The following KIAA0232 variants were observed in gnomAD, a reference collection of about 807,000 sequenced individuals.
KIAA0232 encodes uncharacterized protein KIAA0232.
Under a neutral mutation model 122.0 loss-of-function variants are expected in KIAA0232, and 27 were observed. The ratio of observed to expected loss-of-function variants is 0.22; its 90% CI spans 0.16 to 0.31. The LOEUF is 0.31. Ranked by LOEUF, KIAA0232 falls within the 10% of genes least tolerant of loss-of-function variation. KIAA0232 has a pLI of 1.00. For missense variants in KIAA0232, 1,551 were observed against 1,634.2 expected, an observed-to-expected ratio of 0.95 and a Z score of 0.88; for synonymous variants, 613 against 587.6, an observed-to-expected ratio of 1.04 and a Z score of -0.63.
chr4:6,824,801 T>C, intron 3 of KIAA0232, 117 bp downstream of exon 3: 1 of 846,484 alleles, frequency 1.2e-6, no homozygotes, highest in South Asian at 1.6e-5. Context: ...GTGCAAACAT[T>C]TAACCTGTCA....
chr4:6,848,094 T>C (rs1720066105), intron 4 of KIAA0232, among the ~76,000 whole-genome samples: 1 of 152,126 alleles, frequency 6.6e-6, no homozygotes, highest in Non-Finnish European at 1.5e-5. Flanking sequence ...AGCTGACCAG[T>C]CCTATTGTTA....
At chr4:6,868,971 A>G (rs1721324607) in intron 7 of KIAA0232, among the ~76,000 whole-genome samples, 1 of 152,186 alleles carries the variant, frequency 6.6e-6, no homozygotes, top group Non-Finnish European at 1.5e-5. Context: ...TGAGATAGTC[A>G]GAGACTGTTG....
chr4:6,875,206 G>C (rs980277982), intron 8 of KIAA0232, among the ~76,000 whole-genome samples: 1 of 152,214 alleles, frequency 6.6e-6, no homozygotes, highest in African/African-American at 2.4e-5. Context: ...GATAAGCAGC[G>C]GTCATGGGTG....
Position 6,880,907 on chromosome 4 carries a change from G to C in KIAA0232, c.4129G>C (p.Gly1377Arg). 2 of 1,606,174 alleles carry C rather than the reference G, an allele frequency of 1.2e-6. No individual in the cohort carries two copies. The highest frequency in any genetic ancestry group is 1.7e-6 in the Non-Finnish European group (2 of 1,175,880). The change falls in exon 10 of 10, where the codon GGC becomes CGC. Residue 1377 changes from glycine (G) to arginine (R), a missense_variant. Physicochemically the swap from Gly to Arg is moderately radical, Grantham distance 125. Transcript: ENST00000307659. The stretch of plus-strand genomic sequence containing the variant: ...CACCTCGGAAGAGACAGGCTCAGAA[G>C]GCGGAGGCGAGTGGGTGGGCCCTAG... ...SSTSEETGSE[G>R]GGEWVGPSEE...
At chr4:6,880,716 T>C (rs887164316) in intron 9 of KIAA0232, 71 bp from the exon 10 acceptor site, 3 of 1,011,732 alleles carry the variant, frequency 3.0e-6, no homozygotes, top group Non-Finnish European at 4.2e-6. Flanking sequence ...TCTTTGTATA[T>C]AGATAGAGTA....
chr4:6,813,488 G>A (rs1005414772), intron 2 of KIAA0232, among the ~76,000 whole-genome samples: 11 of 151,612 alleles, frequency 7.3e-5, no homozygotes, highest in South Asian at 2.1e-4. Flanking sequence ...TCAGCCTCCC[G>A]AGTAGCTGGG....
chr4:6,819,604 A>C (rs1718324968), intron 2 of KIAA0232, among the ~76,000 whole-genome samples: 1 of 152,198 alleles, frequency 6.6e-6, no homozygotes, highest in Admixed American at 6.5e-5. Flanking sequence ...TAAAAAACAG[A>C]TGCTAATGAG....
intron 1 of KIAA0232, among the ~76,000 whole-genome samples, chr4:6,789,997 C>G (rs1193460489): frequency 1.3e-5 from 2 of 151,980 alleles, no homozygotes; most frequent in Non-Finnish European, 1.5e-5. Flanking sequence ...CCACTGGACT[C>G]CAGCCTGGGT....
intron 2 of KIAA0232, among the ~76,000 whole-genome samples, chr4:6,815,631 A>G (rs894848837): frequency 2.6e-5 from 4 of 152,228 alleles, no homozygotes; most frequent in Non-Finnish European, 5.9e-5. Flanking sequence ...ACTGAAAAGT[A>G]CTGCATAGAT....
At chr4:6,870,653 AT>A (rs1183904876) in intron 7 of KIAA0232, among the ~76,000 whole-genome samples, 1 of 152,142 alleles carries the variant, frequency 6.6e-6, no homozygotes, top group Non-Finnish European at 1.5e-5. Flanking sequence ...AAATACAAAA[AT>A]TAGCCGGGGT....
At chr4:6,814,615 A>G (rs751201151) in intron 2 of KIAA0232, among the ~76,000 whole-genome samples, 2 of 152,110 alleles carry the variant, frequency 1.3e-5, no homozygotes, top group Non-Finnish European at 2.9e-5. Flanking sequence ...CATGCAACAG[A>G]CTTGTGAGAG....
chr4:6,794,877 A>T (rs1462326435), intron 1 of KIAA0232, among the ~76,000 whole-genome samples: 2 of 152,168 alleles, frequency 1.3e-5, no homozygotes, highest in Admixed American at 6.5e-5. Flanking sequence ...TAGACATGTT[A>T]TAAGTTTGAG....
intron 1 of KIAA0232, among the ~76,000 whole-genome samples, chr4:6,803,011 CAAAAA>C (rs746215162): frequency 8.9e-4 from 43 of 48,486 alleles, no homozygotes; most frequent in African/African-American, 3.2e-3. Flanking sequence ...CTGTCTTGAC[CAAAAA>C]AAAAAAAAAA....
intron 2 of KIAA0232, among the ~76,000 whole-genome samples, chr4:6,808,459 AC>A (rs1278222495): frequency 6.9e-6 from 1 of 145,044 alleles, no homozygotes; most frequent in Non-Finnish European, 1.5e-5. Context: ...TTCAAGCATG[AC>A]TTGCAGAAGT....
Position 6,842,174 on chromosome 4 carries a change from T to A in KIAA0232, c.339T>A (p.Ala113=). The A allele has an allele frequency of 6.2e-7, 1 of 1,606,414 alleles. No individual in the cohort carries two copies. The highest frequency in any genetic ancestry group is 8.5e-7 in the Non-Finnish European group (1 of 1,177,462). The part of the protein sequence containing the change: ...LTLEEMKKQA[A]VQCLRSASDE... Reference sequence around the variant, plus strand: ...TAGAAGAAATGAAAAAACAGGCTGCTGTCCAGTGTCTTCGATCTGCTTCTG... The same window carrying A: ...TAGAAGAAATGAAAAAACAGGCTGCAGTCCAGTGTCTTCGATCTGCTTCTG... The change falls in exon 4 of 10, where the codon GCT becomes GCA. Residue 113 remains alanine, a synonymous_variant. Transcript: ENST00000307659.
At position 6,804,522 on chromosome 4, in the gene KIAA0232, G is replaced by A. The variant is rs1056473077; in HGVS notation, c.-353-1G>A. ...AAAATGCCTGCTTCACTGTTGTGTA[G>A]GTAGTGTACACTGATAAAGGTAGGG... On this transcript the variant is annotated splice_acceptor_variant, in intron 1 of 9. Coordinates refer to ENST00000307659, the MANE Select transcript of KIAA0232 (RefSeq NM_014743.3). LOFTEE classifies it low-confidence loss of function (5UTR_SPLICE). 2 of 152,298 alleles carry A rather than the reference G, an allele frequency of 1.3e-5. No individual in the cohort carries two copies. The allele number at this position is 152,298 out of a possible 1,614,324, so 9.4% of individuals were successfully genotyped here.
intron 7 of KIAA0232, among the ~76,000 whole-genome samples, chr4:6,865,980 C>G (rs956973579): frequency 2.2e-4 from 33 of 152,328 alleles, no homozygotes; most frequent in African/African-American, 7.0e-4. Context: ...AGGTGTGGGA[C>G]TGCTTGCCTG....
intron 1 of KIAA0232, among the ~76,000 whole-genome samples, chr4:6,784,099 C>G (rs1238164395): frequency 6.6e-6 from 1 of 151,638 alleles, no homozygotes; most frequent in African/African-American, 2.4e-5. Flanking sequence ...AAGATTTAAC[C>G]CAGTTAAAAA....
intron 7 of KIAA0232, among the ~76,000 whole-genome samples, chr4:6,864,856 C>A (rs772985860): frequency 2.0e-5 from 3 of 151,700 alleles, no homozygotes; most frequent in Non-Finnish European, 1.5e-5. Context: ...GTGTAGCAAA[C>A]CTGTCTAACT....
Sources: allele counts gnomAD v4.1 joint callset (sites outside exome capture counted in the v4.1 genomes callset), GRCh38; gene constraint gnomAD v4.1.1; transcripts MANE v1.5; gene names NCBI Gene and HGNC (gene_info 2026-07-23, HGNC 2026-07-21).